The following HPSE2 variants were observed in gnomAD, a reference collection of about 807,000 sequenced individuals.
The protein encoded by HPSE2 is heparanase 2 (inactive), also known as inactive heparanase-2.
Under a neutral mutation model 60.5 loss-of-function variants are expected in HPSE2, and 38 were observed. The observed-to-expected ratio is 0.63, with a 90% CI of 0.48 to 0.82. The LOEUF is 0.82. Among genes scored for constraint, HPSE2 ranks in the 40% least tolerant of loss-of-function variants. The pLI is 0.00. For missense variants in HPSE2, 713 were observed against 740.4 expected, an observed-to-expected ratio of 0.96 and a Z score of 0.43; for synonymous variants, 295 against 293.2, an observed-to-expected ratio of 1.01 and a Z score of -0.06.
the HPSE2 span, among the ~76,000 whole-genome samples, chr10:99,268,070 T>C: frequency 2.0e-5 from 3 of 152,102 alleles, no homozygotes; most frequent in Non-Finnish European, 2.9e-5. Flanking sequence ...AGGTAACCTA[T>C]AAAGGAAAAT....
intron 5 of HPSE2, among the ~76,000 whole-genome samples, chr10:98,708,795 A>T (rs572266291): frequency 6.6e-6 from 1 of 152,326 alleles, no homozygotes; most frequent in African/African-American, 2.4e-5. Context: ...GAAAGACCTC[A>T]TCTAAAATAG....
At chr10:99,131,158 C>G (rs1589704097) in intron 3 of HPSE2, among the ~76,000 whole-genome samples, 2 of 152,014 alleles carry the variant, frequency 1.3e-5, no homozygotes, top group East Asian at 3.9e-4. Flanking sequence ...ATTAAAACAC[C>G]CTCAGCAAAA....
intron 3 of HPSE2, among the ~76,000 whole-genome samples, chr10:99,133,438 G>T (rs1336600768): frequency 2.6e-5 from 4 of 152,190 alleles, no homozygotes; most frequent in African/African-American, 9.6e-5. Context: ...TATGTATCCT[G>T]ACTGGGAGAC....
At chr10:98,678,252 A>AT (rs1947696523) in intron 6 of HPSE2, among the ~76,000 whole-genome samples, 2 of 152,098 alleles carry the variant, frequency 1.3e-5, no homozygotes, top group Non-Finnish European at 2.9e-5. Context: ...TTTTTCTTAC[A>AT]TTTTTCCCCC....
At chr10:99,251,888 A>C in the HPSE2 span, among the ~76,000 whole-genome samples, 2 of 148,610 alleles carry the variant, frequency 1.3e-5, no homozygotes, top group South Asian at 4.3e-4. Flanking sequence ...AAAAAAAAAA[A>C]ATTAGCTAGG....
At chr10:99,245,809 G>GC in the HPSE2 span, among the ~76,000 whole-genome samples, 26 of 152,252 alleles carry the variant, frequency 1.7e-4, no homozygotes, top group South Asian at 5.2e-3. Flanking sequence ...TTGCAAAAAG[G>GC]CCATTAAAAC....
rs973936022 is a variant in HPSE2, at chr10:98,941,838, G to A, written c.611-197782C>T. On this transcript the variant is annotated intron_variant, in intron 3 of 11. Transcript: ENST00000370552. ...TACCTGACTTCAAACTATACTACAA[G>A]GCTACAGTAACCAAAACAGCATGGT... Among the ~76,000 whole-genome samples the A allele has an allele frequency of 2.1e-5, 3 of 140,600 alleles. 1 individual carries two copies. Among genetic ancestry groups the A allele is most frequent in the African/African-American group, 8.9e-5 (3 of 33,812 alleles). The allele number at this position is 140,600 out of a possible 152,430, so 92.2% of individuals were successfully genotyped here.
chr10:99,087,264 T>G (rs1227903832), intron 3 of HPSE2, among the ~76,000 whole-genome samples: 1 of 152,222 alleles, frequency 6.6e-6, no homozygotes, highest in Non-Finnish European at 1.5e-5. Flanking sequence ...TCATTTAAGT[T>G]TGTCAGTGTT....
chr10:98,578,607 G>T (rs1454119426), intron 9 of HPSE2, among the ~76,000 whole-genome samples: 1 of 152,122 alleles, frequency 6.6e-6, no homozygotes, highest in Non-Finnish European at 1.5e-5. Flanking sequence ...CTGCATTTTT[G>T]ATTAGTATAA....
chr10:98,761,240 A>C (rs796608103), intron 3 of HPSE2, among the ~76,000 whole-genome samples: 1 of 152,092 alleles, frequency 6.6e-6, no homozygotes, highest in Non-Finnish European at 1.5e-5. Context: ...AAAAATGAGA[A>C]CAGAAATAAA....
At chr10:98,675,525 G>A (rs2134122175) in intron 6 of HPSE2, among the ~76,000 whole-genome samples, 1 of 147,834 alleles carries the variant, frequency 6.8e-6, no homozygotes, top group African/African-American at 2.5e-5. Context: ...AAGCAACACA[G>A]TGAGATCCCT....
intron 3 of HPSE2, among the ~76,000 whole-genome samples, chr10:98,835,986 T>C (rs187931590): frequency 1.3e-5 from 2 of 152,302 alleles, no homozygotes; most frequent in African/African-American, 4.8e-5. Context: ...ACAGTATTTC[T>C]AAAAACAGGA....
intron 3 of HPSE2, among the ~76,000 whole-genome samples, chr10:98,745,658 A>G (rs2134335208): frequency 6.6e-6 from 1 of 152,290 alleles, no homozygotes; most frequent in South Asian, 2.1e-4. Flanking sequence ...TTTAAAACAT[A>G]TCCATATTTT....
intron 10 of HPSE2, among the ~76,000 whole-genome samples, chr10:98,484,749 C>A: frequency 6.6e-6 from 1 of 152,130 alleles, no homozygotes; most frequent in East Asian, 1.9e-4. Context: ...AACTATTCAC[C>A]ATTTTGGAAT....
At chr10:98,851,259 C>A (rs927488672) in intron 3 of HPSE2, among the ~76,000 whole-genome samples, 1 of 152,168 alleles carries the variant, frequency 6.6e-6, no homozygotes, top group South Asian at 2.1e-4. Context: ...ACCTAAGACA[C>A]AAGGAGGCTA....
chr10:98,921,907 G>A (rs1954292756), intron 3 of HPSE2, among the ~76,000 whole-genome samples: 1 of 152,168 alleles, frequency 6.6e-6, no homozygotes, highest in African/African-American at 2.4e-5. Context: ...CATGGGGAGA[G>A]ACTGGTGTGC....
At chr10:98,920,403 A>G (rs1338245298) in intron 3 of HPSE2, among the ~76,000 whole-genome samples, 1 of 152,086 alleles carries the variant, frequency 6.6e-6, no homozygotes, top group African/African-American at 2.4e-5. Flanking sequence ...CTCCAAATAA[A>G]ACTTATGTGT....
Position 98,874,184 on chromosome 10 carries a change from T to C in HPSE2, c.611-130128A>G, listed in dbSNP as rs537432650. Among the ~76,000 whole-genome samples the C allele has an allele frequency of 4.0e-5, 6 of 150,864 alleles. No individual in the cohort carries two copies. In the South Asian group the frequency reaches 6.3e-4, roughly 16 times the overall value. ...TGTTCACTCTGATGTTTTTTTTTTTTCTGCTGTGCAGAAGTTCTTTAGTTT... is the reference window on the plus strand; with the variant it reads ...TGTTCACTCTGATGTTTTTTTTTTTCCTGCTGTGCAGAAGTTCTTTAGTTT... On this transcript the variant is annotated intron_variant, in intron 3 of 11. Transcript: ENST00000370552.
intron 3 of HPSE2, among the ~76,000 whole-genome samples, chr10:99,117,648 C>CT (rs1844764922): frequency 6.6e-6 from 1 of 151,968 alleles, no homozygotes; most frequent in South Asian, 2.1e-4. Context: ...CACATACACC[C>CT]TCCCAAGACA....
Sources: allele counts gnomAD v4.1 joint callset (sites outside exome capture counted in the v4.1 genomes callset), GRCh38; gene constraint gnomAD v4.1.1; transcripts MANE v1.5; gene names NCBI Gene and HGNC (gene_info 2026-07-23, HGNC 2026-07-21).